Variants in DEFB108B observed in about 807,000 individuals in gnomAD.
DEFB108B encodes the protein defensin beta 108B.
In DEFB108B, 3 loss-of-function variants were observed where a neutral mutation model predicts 2.4. The observed-to-expected ratio is 1.25, with a 90% CI of 0.57 to 3.24. The LOEUF is 3.24. DEFB108B is among the 30% of genes most tolerant of loss of function. DEFB108B has a pLI of 0.03. For missense variants in DEFB108B, 101 were observed against 87.8 expected (o/e 1.15, Z -0.60); for synonymous variants, 25 against 28.7 (o/e 0.87, Z 0.41).
At chr11:71,836,399 T>C (rs570660025) in intron 1 of DEFB108B, among the ~76,000 whole-genome samples, 2 of 152,328 alleles carry the variant, frequency 1.3e-5, no homozygotes, top group South Asian at 2.1e-4. Context: ...TTTATTAAAA[T>C]TGCTGTACTG....
intron 1 of DEFB108B, among the ~76,000 whole-genome samples, chr11:71,836,510 G>T (rs1335020841): frequency 2.6e-5 from 4 of 152,098 alleles, no homozygotes; most frequent in Admixed American, 1.3e-4. Flanking sequence ...TCATGGAAAA[G>T]GTGCTCTGTG....
At chr11:71,837,063 C>T (rs73538086) in intron 1 of DEFB108B, 11,616 of 224,414 alleles carry the variant, frequency 0.052, 1,456 homozygotes, top group African/African-American at 0.26. Flanking sequence ...TTTTAAAAGG[C>T]TGAAATCTCC....
intron 1 of DEFB108B, among the ~76,000 whole-genome samples, chr11:71,834,554 C>T (rs1267672293): frequency 6.6e-6 from 1 of 152,160 alleles, no homozygotes; most frequent in African/African-American, 2.4e-5. Context: ...AGAAGCATTA[C>T]TCACAGTCAA....
chr11:71,837,645 A>G lies in DEFB108B; in HGVS notation c.*83A>G. 1.3e-6 allele frequency: 2 copies of G among 1,499,254 alleles called. No homozygotes were observed. Among genetic ancestry groups the G allele is most frequent in the Non-Finnish European group, 1.8e-6 (2 of 1,117,972 alleles). 92.9% of individuals were successfully genotyped at this position (1,499,254 alleles called of 1,614,324 possible). A position where few individuals can be genotyped will look rare whatever the true frequency, so the allele number is the denominator to read the frequency against. On this transcript the variant is annotated 3_prime_UTR_variant, in exon 2 of 2. Transcript: ENST00000328698. ...TCCCTGTCTCCCTTTCCCTCTCTCC[A>G]TTTTTCTCACAGGGATTTTTATTGA... is the stretch of plus-strand genomic sequence containing the variant.
chr11:71,835,379 T>C lies in DEFB108B; in HGVS notation c.59-2020T>C, dbSNP rs12283156. Among the ~76,000 whole-genome samples, 661 of 152,286 alleles carry C rather than the reference T, an allele frequency of 4.3e-3. 3 individuals are homozygous for C. The highest frequency in any genetic ancestry group is 0.015 in the African/African-American group (620 of 41,544). On this transcript the variant is annotated intron_variant, in intron 1 of 1. Transcript: ENST00000328698. ...CTGAGATAATTTGCTTAGAATAAAG[T>C]CCTCCAGCTGCATCCATGTTACTGA...
intron 1 of DEFB108B, among the ~76,000 whole-genome samples, chr11:71,835,368 TTAGAA>T (rs1388869400): frequency 6.6e-6 from 1 of 152,200 alleles, no homozygotes; most frequent in Non-Finnish European, 1.5e-5. Context: ...GATAATTTGC[TTAGAA>T]TAAAGTCCTC....
chr11:71,837,696 C>G lies in DEFB108B; in HGVS notation c.*134C>G. On this transcript the variant is annotated 3_prime_UTR_variant, in exon 2 of 2. Transcript: ENST00000328698. ...ATCCTCAAAAAAGAATAAACCAAAACCAACCAGCACAAAACTCTTTTAAAA... is the reference window on the plus strand; with the variant it reads ...ATCCTCAAAAAAGAATAAACCAAAAGCAACCAGCACAAAACTCTTTTAAAA... The G allele has an allele frequency of 8.2e-7, 1 of 1,215,672 alleles. No individual in the cohort carries two copies. Among genetic ancestry groups the G allele is most frequent in the East Asian group, 2.5e-5 (1 of 40,120 alleles). The allele number at this position is 1,215,672 out of a possible 1,614,324, so 75.3% of individuals were successfully genotyped here.
intron 1 of DEFB108B, among the ~76,000 whole-genome samples, chr11:71,834,387 AT>A (rs1342603238): frequency 2.0e-5 from 3 of 152,202 alleles, no homozygotes; most frequent in African/African-American, 7.2e-5. Context: ...CCAGTTAAAA[AT>A]ATTTTAAAAT....
chr11:71,837,429 G>T lies in DEFB108B; in HGVS notation c.89G>T (p.Arg30Leu), dbSNP rs370343685. The change falls in exon 2 of 2, where the codon CGT becomes CTT. Residue 30 changes from arginine to leucine, a missense_variant. By Grantham distance (102) the Arg-to-Leu change is moderately radical. Transcript: ENST00000328698. The stretch of plus-strand genomic sequence containing the variant: ...GGCAAATTCAAGGAGATCTGTGAAC[G>T]TCCAAATGGCTCCTGTCGGGACTTT... ...ARGKFKEICERPNGSCRDFCL... is the reference protein window; with the variant it reads ...ARGKFKEICELPNGSCRDFCL... 1.9e-6 allele frequency: 3 copies of T among 1,611,930 alleles called. No individual in the cohort carries two copies. Among genetic ancestry groups the T allele is most frequent in the East Asian group, 4.5e-5 (2 of 44,874 alleles).
intron 1 of DEFB108B, among the ~76,000 whole-genome samples, chr11:71,834,126 T>C (rs1952199297): frequency 1.3e-5 from 2 of 152,196 alleles, no homozygotes; most frequent in African/African-American, 4.8e-5. Context: ...GTGGGGTAAA[T>C]GTCAGAGTCA....
At chr11:71,835,344 C>T (rs1952209844) in intron 1 of DEFB108B, among the ~76,000 whole-genome samples, 1 of 152,154 alleles carries the variant, frequency 6.6e-6, no homozygotes, top group Admixed American at 6.5e-5. Context: ...TGGTATTTGG[C>T]TTCCTGTTCC....
chr11:71,837,162 C>T (rs1473324395), intron 1 of DEFB108B: 1 of 532,560 alleles, frequency 1.9e-6, no homozygotes, highest in Non-Finnish European at 3.4e-6. Context: ...TCACCTCCAG[C>T]CTTTTGTCAT....
chr11:71,835,403 G>T (rs1590715185), intron 1 of DEFB108B, among the ~76,000 whole-genome samples: 1 of 152,088 alleles, frequency 6.6e-6, no homozygotes, highest in East Asian at 1.9e-4. Flanking sequence ...CCATGTTACT[G>T]AAAAAGACAC....
chr11:71,835,612 T>C (rs1204670651), intron 1 of DEFB108B, among the ~76,000 whole-genome samples: 6 of 152,208 alleles, frequency 3.9e-5, no homozygotes, highest in Non-Finnish European at 7.3e-5. Flanking sequence ...GTAGTGAGAT[T>C]ACTGGGTCAA....
At chr11:71,836,724 C>A (rs1333966578) in intron 1 of DEFB108B, among the ~76,000 whole-genome samples, 1 of 152,168 alleles carries the variant, frequency 6.6e-6, no homozygotes, top group Non-Finnish European at 1.5e-5. Flanking sequence ...AAAATTGCAA[C>A]CTCAAATACC....
chr11:71,836,801 T>C (rs1411153230), intron 1 of DEFB108B, among the ~76,000 whole-genome samples: 1 of 152,200 alleles, frequency 6.6e-6, no homozygotes, highest in Non-Finnish European at 1.5e-5. Context: ...GATATATTTG[T>C]GTATTAAACA....
intron 1 of DEFB108B, among the ~76,000 whole-genome samples, chr11:71,833,843 T>A (rs1380924753): frequency 6.6e-6 from 1 of 152,188 alleles, no homozygotes; most frequent in African/African-American, 2.4e-5. Context: ...GAACCAGGGA[T>A]GACCCCACAC....
intron 1 of DEFB108B, 140 bp from the exon 2 acceptor site, chr11:71,837,259 A>C: frequency 9.2e-7 from 1 of 1,092,882 alleles, no homozygotes; most frequent in Non-Finnish European, 1.3e-6. Flanking sequence ...GTGTTTAAGA[A>C]ATCAAATCAC....
intron 1 of DEFB108B, 29 bp from the exon 2 acceptor site, chr11:71,837,370 T>A: frequency 1.2e-6 from 2 of 1,610,320 alleles, no homozygotes; most frequent in Non-Finnish European, 1.7e-6. Flanking sequence ...GACTGGTGAA[T>A]GGTTACAATA....
Sources: gnomAD v4.1 joint callset for allele counts (sites outside exome capture counted in the v4.1 genomes callset) on GRCh38, gnomAD v4.1.1 for gene constraint, MANE v1.5 for transcripts, NCBI Gene and HGNC (gene_info 2026-07-23, HGNC 2026-07-21) for gene names.